ZNF407: variants seen among roughly 807,000 people sequenced by gnomAD.
ZNF407 encodes the protein zinc finger protein 407.
In ZNF407, 17 loss-of-function variants were observed where a neutral mutation model predicts 131.2. That is an observed-to-expected ratio of 0.13 (90% CI 0.09 to 0.19). The LOEUF (loss-of-function observed/expected upper bound fraction) is 0.19, where lower values mean the gene tolerates loss of function less well. Among genes scored for constraint, ZNF407 ranks in the 10% least tolerant of loss-of-function variants. ZNF407 has a pLI of 1.00. For synonymous variants in ZNF407, 1,156 were observed against 1,062.0 expected, an observed-to-expected ratio of 1.09 and a Z score of -1.72; for missense variants, 2,681 against 2,830.6, an observed-to-expected ratio of 0.95 and a Z score of 1.20.
In ZNF407 at chr18:75,064,672, G is replaced by T; in HGVS notation, c.*204G>T. 2.0e-6 allele frequency: 1 copy of T among 494,616 alleles called. No individual in the cohort carries two copies. Among genetic ancestry groups the T allele is most frequent in the Non-Finnish European group, 3.4e-6 (1 of 290,566 alleles). 30.6% of individuals were successfully genotyped at this position (494,616 alleles called of 1,614,324 possible). ...GGTACCGTGGGCTGGGCCTCGGGGA[G>T]CAGGCTGCCAAGTGCAGGGGAGGGC... On this transcript the variant is annotated 3_prime_UTR_variant, in exon 9 of 9. Coordinates refer to ENST00000299687, the MANE Select transcript of ZNF407 (RefSeq NM_017757.3).
At chr18:74,959,459 T>C (rs1024521388) in intron 8 of ZNF407, among the ~76,000 whole-genome samples, 1 of 152,206 alleles carries the variant, frequency 6.6e-6, no homozygotes, top group African/African-American at 2.4e-5. Context: ...TTAACTTGCA[T>C]GCAACCATCA....
rs1251324427 is a variant in ZNF407, at chr18:75,064,083, C to G, written c.6362C>G (p.Ala2121Gly). The G allele has an allele frequency of 6.3e-7, 1 of 1,589,150 alleles. No individual in the cohort carries two copies. The highest frequency in any genetic ancestry group is 8.6e-7 in the Non-Finnish European group (1 of 1,168,648). The change falls in exon 9 of 9, where the codon GCC becomes GGC. Residue 2121 changes from alanine to glycine, a missense_variant. Physicochemically the swap from Ala to Gly is moderately conservative, Grantham distance 60. This residue lies in a region of ZNF407 where 620 missense variants were observed against 583.1 expected (regional missense o/e 1.06). Coordinates refer to ENST00000299687, the MANE Select transcript of ZNF407 (RefSeq NM_017757.3). ...GAVHMVAGEG[A>G]QIIMQEAQGE... is the part of the protein sequence containing the mutation. The stretch of plus-strand genomic sequence containing the variant: ...GTCCACATGGTCGCCGGGGAGGGTG[C>G]CCAGATCATCATGCAGGAGGCGCAG...
intron 3 of ZNF407, among the ~76,000 whole-genome samples, chr18:74,676,215 C>T (rs1986352968): frequency 6.6e-6 from 1 of 151,680 alleles, no homozygotes; most frequent in Admixed American, 6.6e-5. Context: ...CCTCAGCCTC[C>T]TGAGTAGCTG....
intron 3 of ZNF407, among the ~76,000 whole-genome samples, chr18:74,734,074 G>A (rs1163624420): frequency 6.6e-6 from 1 of 152,102 alleles, no homozygotes; most frequent in Non-Finnish European, 1.5e-5. Context: ...TGACAAGAGT[G>A]AAAAGAACGA....
intron 8 of ZNF407, among the ~76,000 whole-genome samples, chr18:75,025,098 A>G (rs1048057094): frequency 6.6e-6 from 1 of 152,232 alleles, no homozygotes; most frequent in Non-Finnish European, 1.5e-5. Flanking sequence ...AGAGCTTGTA[A>G]CCATATGTTT....
At chr18:75,012,631 A>C (rs1331813408) in intron 8 of ZNF407, among the ~76,000 whole-genome samples, 4 of 151,824 alleles carry the variant, frequency 2.6e-5, no homozygotes, top group African/African-American at 9.7e-5. Flanking sequence ...CCGTAATTCA[A>C]CCCATCACGC....
In ZNF407 at chr18:74,627,830, T is replaced by TGCCCCGCCCC. The variant is rs1983861226; in HGVS notation, c.-53-3136_-53-3127dup. Reference sequence around the variant, plus strand: ...TCTCTCTTTCTGCCCTGCCCTGCCCTGCCCCGCCCCACCCCGCCCCGCCCC... The same window carrying TGCCCCGCCCC: ...TCTCTCTTTCTGCCCTGCCCTGCCCTGCCCCGCCCCGCCCCGCCCCACCCCGCCCCGCCCC... On this transcript the variant is annotated intron_variant, in intron 1 of 8. Transcript: ENST00000299687. 3.8e-5 allele frequency among the ~76,000 whole-genome samples: 5 copies of TGCCCCGCCCC among 131,644 alleles called. 1 individual carries two copies. The highest frequency in any genetic ancestry group is 1.1e-4 in the African/African-American group (4 of 35,300). 86.4% of individuals were successfully genotyped at this position (131,644 alleles called of 152,430 possible).
intron 4 of ZNF407, among the ~76,000 whole-genome samples, chr18:74,843,180 A>T (rs959150322): frequency 6.6e-6 from 1 of 152,008 alleles, no homozygotes; most frequent in African/African-American, 2.4e-5. Context: ...TTATATTTCT[A>T]TTTTTTGTAG....
At chr18:74,748,993 G>A (rs1264996339) in intron 3 of ZNF407, among the ~76,000 whole-genome samples, 7 of 152,114 alleles carry the variant, frequency 4.6e-5, no homozygotes, top group East Asian at 3.9e-4. Context: ...GTAATGAGGC[G>A]AAGAGAGCGC....
chr18:74,981,029 A>G (rs1432756100), intron 8 of ZNF407, among the ~76,000 whole-genome samples: 2 of 152,170 alleles, frequency 1.3e-5, no homozygotes, highest in Non-Finnish European at 2.9e-5. Context: ...CAGGTGAGAG[A>G]ATGGGTAAGG....
chr18:75,056,155 G>C (rs1429493941), intron 8 of ZNF407, among the ~76,000 whole-genome samples: 1 of 152,174 alleles, frequency 6.6e-6, no homozygotes, highest in African/African-American at 2.4e-5. Flanking sequence ...GCCAGCTCCT[G>C]TCAGCTGACC....
rs369853368 is a variant in ZNF407 at position 74,989,861 on chromosome 18, C to A, written c.5428+69169C>A. Among the ~76,000 whole-genome samples the A allele has an allele frequency of 2.1e-4, 32 of 151,296 alleles. No homozygotes were observed. The East Asian group carries it at 2.7e-3, about 13-fold the overall frequency. ...CTGTCTCAAAAAAAAAAAAAAAATT[C>A]TATTTCCTAATCATAAAAAAATGAA... is the stretch of plus-strand genomic sequence containing the variant. On this transcript the variant is annotated intron_variant, in intron 8 of 8. Coordinates refer to ENST00000299687, the MANE Select transcript of ZNF407 (RefSeq NM_017757.3).
At chr18:75,046,155 G>T (rs1045298820) in intron 8 of ZNF407, among the ~76,000 whole-genome samples, 2 of 152,142 alleles carry the variant, frequency 1.3e-5, no homozygotes, top group Admixed American at 1.3e-4. Context: ...GCATAACACA[G>T]TCAGCTGCTA....
rs779126151 is a variant in ZNF407 at position 74,822,252 on chromosome 18, A to G, written c.4877+40750A>G. 7.9e-4 allele frequency among the ~76,000 whole-genome samples: 120 copies of G among 152,318 alleles called. 1 individual carries two copies. The highest frequency in any genetic ancestry group is 1.1e-3 in the Non-Finnish European group (74 of 68,034). On this transcript the variant is annotated intron_variant, in intron 4 of 8. Coordinates refer to ENST00000299687, the MANE Select transcript of ZNF407 (RefSeq NM_017757.3). Reference sequence around the variant, plus strand: ...ATGATGGTAATTTCTTTTGCTGTGCAGAAGCTCTTTAGTTTAATTAGATCC... The same window carrying G: ...ATGATGGTAATTTCTTTTGCTGTGCGGAAGCTCTTTAGTTTAATTAGATCC...
At chr18:75,000,621 T>C (rs1972833818) in intron 8 of ZNF407, among the ~76,000 whole-genome samples, 1 of 152,280 alleles carries the variant, frequency 6.6e-6, no homozygotes, top group East Asian at 1.9e-4. Flanking sequence ...TGCAAAAAAA[T>C]AGCTATCTGG....
chr18:74,727,994 A>C (rs1475446073), intron 3 of ZNF407, among the ~76,000 whole-genome samples: 1 of 151,954 alleles, frequency 6.6e-6, no homozygotes, highest in African/African-American at 2.4e-5. Flanking sequence ...GTGATGGAGG[A>C]GCGCCCTCTC....
chr18:74,862,707 A>AT (rs1970953859), intron 4 of ZNF407, among the ~76,000 whole-genome samples: 1 of 152,208 alleles, frequency 6.6e-6, no homozygotes, highest in Non-Finnish European at 1.5e-5. Context: ...TTAGAATCAT[A>AT]CATCCTAAAA....
intron 8 of ZNF407, among the ~76,000 whole-genome samples, chr18:74,966,024 T>G (rs1351155118): frequency 6.6e-6 from 1 of 152,244 alleles, no homozygotes; most frequent in Non-Finnish European, 1.5e-5. Flanking sequence ...ATTTTTTTCC[T>G]TAAGAGTTGT....
chr18:74,842,200 G>GC (rs1317636789), intron 4 of ZNF407, among the ~76,000 whole-genome samples: 1 of 152,012 alleles, frequency 6.6e-6, no homozygotes, highest in Non-Finnish European at 1.5e-5. Flanking sequence ...TGGCTAAATT[G>GC]CCCGCACCAC....
Sources: gnomAD v4.1 joint callset for allele counts (sites outside exome capture counted in the v4.1 genomes callset) on GRCh38, gnomAD v4.1.1 for gene constraint, gnomAD v4.1.1 regional missense constraint, MANE v1.5 for transcripts, NCBI Gene and HGNC (gene_info 2026-07-23, HGNC 2026-07-21) for gene names.